Variants in CANX observed in about 807,000 individuals in gnomAD.
CANX encodes epididymis secretory sperm binding protein.
CANX carries 14 observed loss-of-function variants against 75.7 expected under a neutral mutation model. The observed-to-expected ratio is 0.19, with a 90% CI of 0.12 to 0.29. The LOEUF (loss-of-function observed/expected upper bound fraction) is 0.29, where lower values mean the gene tolerates loss of function less well. Ranked by LOEUF, CANX falls within the 10% of genes least tolerant of loss-of-function variation. CANX has a pLI of 1.00. For synonymous variants in CANX, 227 were observed against 236.9 expected (o/e 0.96, Z 0.38); for missense variants, 567 against 713.2 (o/e 0.79, Z 2.34).
upstream of CANX, chr5:179,698,727 C>G (rs1481147368): frequency 1.5e-5 from 11 of 716,864 alleles, no homozygotes; most frequent in East Asian, 7.3e-4. Flanking sequence ...CCAGCGTGGC[C>G]CGCCCCTCAC....
intron 1 of CANX, among the ~76,000 whole-genome samples, chr5:179,679,806 C>G (rs1260056006): frequency 6.6e-6 from 1 of 151,958 alleles, no homozygotes; most frequent in Non-Finnish European, 1.5e-5. Context: ...TTACAGGCGC[C>G]TGCCATCACC....
intron 10 of CANX, 36 bp downstream of exon 10, chr5:179,720,596 A>G (rs1581890211): frequency 1.3e-6 from 2 of 1,593,322 alleles, no homozygotes; most frequent in Middle Eastern, 1.7e-4. Context: ...GCTTTCATTA[A>G]TCTGTTTGTA....
chr5:179,725,698 A>T (rs1347392525), intron 13 of CANX, among the ~76,000 whole-genome samples: 3 of 147,066 alleles, frequency 2.0e-5, no homozygotes, highest in Non-Finnish European at 4.5e-5. Flanking sequence ...AAAAAAAAAA[A>T]AAAATTGTTG....
At chr5:179,708,829 C>A in intron 5 of CANX, 149 bp from the exon 6 acceptor site, 1 of 476,214 alleles carries the variant, frequency 2.1e-6, no homozygotes, top group Non-Finnish European at 3.8e-6. Flanking sequence ...GATAACTATT[C>A]AAAAACAATA....
intron 9 of CANX, among the ~76,000 whole-genome samples, chr5:179,720,148 T>G (rs569552703): frequency 6.6e-6 from 1 of 152,340 alleles, no homozygotes; most frequent in Non-Finnish European, 1.5e-5. Context: ...CCTGTTTTTA[T>G]TGAAGTCAAT....
At chr5:179,709,655 G>A (rs1581859674) in intron 6 of CANX, 2 of 401,554 alleles carry the variant, frequency 5.0e-6, no homozygotes, top group East Asian at 4.1e-5. Flanking sequence ...CTGTCTAGAT[G>A]TGTGCATTAC....
In CANX at chr5:179,728,683, C is replaced by T. The variant is rs181704268; in HGVS notation, c.*39C>T. The stretch of plus-strand genomic sequence containing the variant: ...GCTTGATCTGTGATTTCTTCTCCCT[C>T]CTCCCCTGCAAGAGTGGTCCTAGGA... On this transcript the variant is annotated 3_prime_UTR_variant, in exon 15 of 15. Transcript: ENST00000247461. The T allele has an allele frequency of 2.0e-6, 3 of 1,474,044 alleles. No homozygotes were observed. Among genetic ancestry groups the T allele is most frequent in the East Asian group, 4.5e-5 (2 of 44,128 alleles). 91.3% of individuals were successfully genotyped at this position (1,474,044 alleles called of 1,614,324 possible). A position where few individuals can be genotyped will look rare whatever the true frequency, so the allele number is the denominator to read the frequency against.
chr5:179,689,677 A>G (rs1776266874), intron 1 of CANX, among the ~76,000 whole-genome samples: 1 of 152,144 alleles, frequency 6.6e-6, no homozygotes, highest in African/African-American at 2.4e-5. Flanking sequence ...GGCGTGAGCC[A>G]CCACACCCGG....
intron 11 of CANX, 76 bp downstream of exon 11, chr5:179,723,095 T>G: frequency 7.7e-7 from 1 of 1,297,640 alleles, no homozygotes; most frequent in East Asian, 2.3e-5. Context: ...GTGTTAAGGT[T>G]TTTTTTCTTC....
chr5:179,694,144 CAA>C (rs55708497), upstream of CANX: 206 of 103,978 alleles, frequency 2.0e-3, 1 homozygote, highest in African/African-American at 6.7e-3. Flanking sequence ...AACTCCGTCT[CAA>C]AAAAAAAAAA....
intron 6 of CANX, 144 bp from the exon 7 acceptor site, chr5:179,709,729 T>G (rs1777397529): frequency 1.8e-6 from 1 of 544,608 alleles, no homozygotes; most frequent in South Asian, 2.8e-5. Context: ...TCCTTTTTAC[T>G]AAACAAACTT....
In CANX at chr5:179,719,661, A is replaced by G. The variant is rs1265950849; in HGVS notation, c.912-7A>G. On this transcript the variant is annotated splice_polypyrimidine_tract_variant and splice_region_variant and intron_variant, in intron 8 of 14. Transcript: ENST00000247461. ...TGTCATAACTGGCTTTTTCTTTTGT[A>G]TTTAAGGGATGAAGATGCCCCTGCT... is the stretch of plus-strand genomic sequence containing the variant. 6.4e-7 allele frequency: 1 copy of G among 1,562,602 alleles called. No homozygotes were observed. The highest frequency in any genetic ancestry group is 8.8e-7 in the Non-Finnish European group (1 of 1,135,544).
At chr5:179,725,298 C>T (rs1778573974) in intron 13 of CANX, among the ~76,000 whole-genome samples, 2 of 151,456 alleles carry the variant, frequency 1.3e-5, no homozygotes, top group Admixed American at 1.3e-4. Flanking sequence ...CCTTTGCCTC[C>T]CAGATTCAAG....
chr5:179,694,277 T>C, upstream of CANX: 1 of 493,008 alleles, frequency 2.0e-6, no homozygotes, highest in East Asian at 3.3e-5. Flanking sequence ...GAGAAGAATG[T>C]AAAAAGAAAA....
chr5:179,707,660 T>A (rs1562475589), intron 4 of CANX, among the ~76,000 whole-genome samples: 3 of 132,240 alleles, frequency 2.3e-5, no homozygotes, highest in Non-Finnish European at 3.3e-5. Flanking sequence ...TTTTTTTTTT[T>A]TTTTTTTATT....
At chr5:179,707,321 A>C in intron 4 of CANX, 131 bp downstream of exon 4, 4 of 629,924 alleles carry the variant, frequency 6.3e-6, no homozygotes, top group Non-Finnish European at 8.8e-6. Flanking sequence ...GCGGTGGCTC[A>C]CGCCTGTAAT....
At chr5:179,703,358 C>T (rs1302317525) in intron 1 of CANX, among the ~76,000 whole-genome samples, 3 of 152,102 alleles carry the variant, frequency 2.0e-5, no homozygotes, top group Admixed American at 6.6e-5. Flanking sequence ...GCTGCGGCTA[C>T]AGGTGTGCGC....
intron 1 of CANX, among the ~76,000 whole-genome samples, chr5:179,693,238 T>A (rs1776332338): frequency 6.6e-6 from 1 of 151,786 alleles, no homozygotes; most frequent in South Asian, 2.1e-4. Context: ...TATATATGGT[T>A]AATGAACATG....
intron 1 of CANX, among the ~76,000 whole-genome samples, chr5:179,679,847 C>T (rs931768091): frequency 6.6e-6 from 1 of 151,180 alleles, no homozygotes; most frequent in Non-Finnish European, 1.5e-5. Flanking sequence ...TTAGTGAAGA[C>T]GGGGTTTCAC....
Sources: allele counts gnomAD v4.1 joint callset (sites outside exome capture counted in the v4.1 genomes callset), GRCh38; gene constraint gnomAD v4.1.1; transcripts MANE v1.5; gene names NCBI Gene and HGNC (gene_info 2026-07-23, HGNC 2026-07-21).